The following ASIC2 variants were observed in gnomAD, a reference collection of about 807,000 sequenced individuals.
The protein encoded by ASIC2 is acid sensing ion channel subunit 2, also known as acid-sensing ion channel 2.
A neutral mutation model predicts 57.3 loss-of-function variants in ASIC2; 25 were observed. That is an observed-to-expected ratio of 0.44 (90% CI 0.32 to 0.61). ASIC2 has a LOEUF of 0.61. ASIC2 is among the 20% of genes least tolerant of loss of function. The pLI, the probability that ASIC2 is intolerant of heterozygous loss-of-function variation, is 0.06. For synonymous variants in ASIC2, 319 were observed against 307.5 expected (o/e 1.04, Z -0.39); for missense variants, 641 against 738.1 (o/e 0.87, Z 1.52).
At chr17:33,474,570 C>G (rs573862738) in intron 1 of ASIC2, among the ~76,000 whole-genome samples, 72 of 152,262 alleles carry the variant, frequency 4.7e-4, no homozygotes, top group African/African-American at 1.7e-3. Context: ...GGGGCGTGCA[C>G]AGCAGGCCAC....
At chr17:33,379,811 G>A (rs545614125) in intron 1 of ASIC2, among the ~76,000 whole-genome samples, 1 of 152,242 alleles carries the variant, frequency 6.6e-6, no homozygotes, top group South Asian at 2.1e-4. Flanking sequence ...GGTGAAGATG[G>A]GTGTTAAAGA....
rs796477715 is a variant in ASIC2, at chr17:34,038,311, T to C, written c.555+117667A>G. The C allele has an allele frequency of 4.7e-5, 75 of 1,610,350 alleles. 2 individuals carry two copies. The East Asian group carries it at 7.1e-4, about 15-fold the overall frequency. ...GATCATTTCCCTCACAGTATTCTAA[T>C]ACTGTACAAAACGAGTCAGTATCCA... On this transcript the variant is annotated intron_variant, in intron 1 of 9. Coordinates refer to the ASIC2 transcript ENST00000359872.
intron 1 of ASIC2, among the ~76,000 whole-genome samples, chr17:34,138,915 G>A (rs1912196423): frequency 6.6e-6 from 1 of 152,192 alleles, no homozygotes; most frequent in African/African-American, 2.4e-5. Flanking sequence ...TAAAGGATAG[G>A]AATAAGCATC....
chr17:33,700,015 G>A (rs1171996850), intron 1 of ASIC2, among the ~76,000 whole-genome samples: 1 of 152,018 alleles, frequency 6.6e-6, no homozygotes, highest in African/African-American at 2.4e-5. Flanking sequence ...AAAACCAGAA[G>A]GTTAAGAAAG....
intron 1 of ASIC2, among the ~76,000 whole-genome samples, chr17:33,231,574 CTTGA>C (rs1908092844): frequency 2.0e-5 from 3 of 152,128 alleles, no homozygotes; most frequent in Admixed American, 2.0e-4. Flanking sequence ...CCATCCCAGA[CTTGA>C]TGGGCCCTCA....
intron 1 of ASIC2, among the ~76,000 whole-genome samples, chr17:33,930,741 G>A (rs1399727947): frequency 2.0e-5 from 3 of 152,224 alleles, no homozygotes; most frequent in African/African-American, 7.2e-5. Flanking sequence ...GTGGGCCAGA[G>A]TTCTGGGGGT....
At chr17:33,342,643 A>C (rs1482450326) in intron 1 of ASIC2, among the ~76,000 whole-genome samples, 3 of 152,096 alleles carry the variant, frequency 2.0e-5, no homozygotes, top group Non-Finnish European at 2.9e-5. Context: ...CTCTCAATCC[A>C]GTCTGCTTAG....
intron 1 of ASIC2, among the ~76,000 whole-genome samples, chr17:33,519,131 T>G (rs934890070): frequency 1.4e-4 from 22 of 152,348 alleles, no homozygotes. Flanking sequence ...ATAACTACTC[T>G]TTTTAATCAT....
At chr17:33,820,754 T>A (rs1912718743) in intron 1 of ASIC2, among the ~76,000 whole-genome samples, 1 of 152,222 alleles carries the variant, frequency 6.6e-6, no homozygotes, top group Non-Finnish European at 1.5e-5. Context: ...GTTACTCAGG[T>A]TGCTCTTGAA....
At chr17:33,275,355 ATCTTCGCACTATAACCTCAGT>A (rs768156563) in intron 1 of ASIC2, among the ~76,000 whole-genome samples, 22 of 152,088 alleles carry the variant, frequency 1.4e-4, no homozygotes, top group Non-Finnish European at 7.4e-5. Flanking sequence ...GAAAATCTGA[ATCTTCGCACTATAACCTCAGT>A]TCTCCTCTGC....
chr17:33,732,830 G>T (rs1322705802), intron 1 of ASIC2, among the ~76,000 whole-genome samples: 2 of 152,192 alleles, frequency 1.3e-5, no homozygotes, highest in South Asian at 2.1e-4. Flanking sequence ...TAGAGACAGG[G>T]TTTCACCATG....
intron 1 of ASIC2, among the ~76,000 whole-genome samples, chr17:33,941,577 G>T (rs1916193240): frequency 6.6e-6 from 1 of 152,194 alleles, no homozygotes; most frequent in African/African-American, 2.4e-5. Flanking sequence ...GTAGATAGAG[G>T]GAGCTGGGGG....
At chr17:33,748,509 C>A (rs1276097055) in intron 1 of ASIC2, among the ~76,000 whole-genome samples, 2 of 152,236 alleles carry the variant, frequency 1.3e-5, no homozygotes, top group Non-Finnish European at 2.9e-5. Flanking sequence ...AAAAGCAGGG[C>A]TTCCTGATAG....
At chr17:34,030,367 G>A (rs1372988338) in intron 1 of ASIC2, among the ~76,000 whole-genome samples, 1 of 152,188 alleles carries the variant, frequency 6.6e-6, no homozygotes, top group East Asian at 1.9e-4. Flanking sequence ...CCATCCGAAT[G>A]TTTGAGGAGA....
chr17:34,013,988 C>A (rs1245806127), intron 1 of ASIC2, among the ~76,000 whole-genome samples: 5 of 152,054 alleles, frequency 3.3e-5, no homozygotes, highest in South Asian at 2.1e-4. Flanking sequence ...GGCTAAGAGA[C>A]CTTAGGATAG....
chr17:33,173,975 C>T (rs534993894), intron 1 of ASIC2, among the ~76,000 whole-genome samples: 16 of 152,104 alleles, frequency 1.1e-4, no homozygotes, highest in Non-Finnish European at 2.2e-4. Flanking sequence ...CCATAGAGGC[C>T]CCACAAGTGC....
intron 1 of ASIC2, among the ~76,000 whole-genome samples, chr17:33,251,839 T>G (rs1440582242): frequency 1.3e-5 from 2 of 152,152 alleles, no homozygotes; most frequent in Non-Finnish European, 2.9e-5. Flanking sequence ...CCAAGTTGTT[T>G]CTAAAGGCAA....
rs1205015511 is a variant in ASIC2 at position 34,156,223 on chromosome 17, T to TG, written c.309dup (p.Thr104HisfsTer3). The TG allele has an allele frequency of 6.2e-7, 1 of 1,614,068 alleles. No homozygotes were observed. The highest frequency in any genetic ancestry group is 2.2e-5 in the East Asian group (1 of 44,846). ...TCCCCAGCATGGTACAGGTCATTGG[T>TG]GGTGAGCCTGGAGAACCGGAAGCCA... On this transcript the variant is annotated frameshift_variant, in exon 1 of 10. Transcript: ENST00000359872. LOFTEE classifies it high-confidence loss of function. The surrounding 1 kb of genome is among the most constrained non-coding windows in gnomAD (Gnocchi z 4.4).
At chr17:33,566,778 C>A (rs913946681) in intron 1 of ASIC2, among the ~76,000 whole-genome samples, 7 of 152,166 alleles carry the variant, frequency 4.6e-5, no homozygotes, top group African/African-American at 1.7e-4. Flanking sequence ...CAGCTAGACA[C>A]CCATTCCCTG....
Sources: allele counts gnomAD v4.1 joint callset (sites outside exome capture counted in the v4.1 genomes callset), GRCh38; gene constraint gnomAD v4.1.1; non-coding constraint Gnocchi (gnomAD v3.1); transcripts MANE v1.5; gene names NCBI Gene and HGNC (gene_info 2026-07-23, HGNC 2026-07-21).